The following CDH8 variants were observed in gnomAD, a reference collection of about 807,000 sequenced individuals.
CDH8 encodes cadherin 8, also known as cadherin-8.
A neutral mutation model predicts 68.1 loss-of-function variants in CDH8; 17 were observed. The observed-to-expected ratio is 0.25, with a 90% CI of 0.17 to 0.37. CDH8 has a LOEUF of 0.37. Among genes scored for constraint, CDH8 ranks in the 10% least tolerant of loss-of-function variants. The pLI, the probability that CDH8 is intolerant of heterozygous loss-of-function variation, is 1.00. For missense variants in CDH8, 763 were observed against 999.3 expected, an observed-to-expected ratio of 0.76 and a Z score of 3.19; for synonymous variants, 372 against 365.1, an observed-to-expected ratio of 1.02 and a Z score of -0.21.
intron 2 of CDH8, among the ~76,000 whole-genome samples, chr16:61,926,966 GGCATT>G (rs776540157): frequency 1.4e-4 from 21 of 152,180 alleles, no homozygotes; most frequent in Non-Finnish European, 2.8e-4. Context: ...CACATTAGAA[GGCATT>G]GCATGAGTCA....
At chr16:61,842,430 C>A (rs1430040667) in intron 4 of CDH8, among the ~76,000 whole-genome samples, 3 of 152,076 alleles carry the variant, frequency 2.0e-5, no homozygotes, top group African/African-American at 7.2e-5. Flanking sequence ...TGCCCCTTTG[C>A]CAACTGATGT....
At chr16:61,743,405 A>T (rs1959929769) in intron 8 of CDH8, 1 of 156,656 alleles carries the variant, frequency 6.4e-6, no homozygotes, top group Non-Finnish European at 1.5e-5. Flanking sequence ...CCGCTTAGCC[A>T]GCCAGATCAG....
At chr16:61,695,546 T>C (rs1022865642) in intron 10 of CDH8, among the ~76,000 whole-genome samples, 2 of 152,128 alleles carry the variant, frequency 1.3e-5, no homozygotes, top group Non-Finnish European at 2.9e-5. Context: ...CTGAGCACCA[T>C]AGGATGTTTA....
chr16:61,936,015 T>C (rs747868901), intron 2 of CDH8, among the ~76,000 whole-genome samples: 7 of 152,174 alleles, frequency 4.6e-5, no homozygotes, highest in African/African-American at 7.2e-5. Flanking sequence ...CACCACATAC[T>C]AGCTGTGTCC....
At chr16:61,804,812 T>C (rs1273019902) in intron 7 of CDH8, among the ~76,000 whole-genome samples, 1 of 115,978 alleles carries the variant, frequency 8.6e-6, no homozygotes, top group Non-Finnish European at 1.7e-5. Context: ...GGAGCTGAAA[T>C]TGTGGCAATA....
At chr16:61,995,925 C>T (rs565197226) in intron 2 of CDH8, among the ~76,000 whole-genome samples, 2 of 152,328 alleles carry the variant, frequency 1.3e-5, no homozygotes, top group Admixed American at 1.3e-4. Flanking sequence ...CACTTTCCTC[C>T]TACAAGAATG....
chr16:61,917,489 G>A (rs577705075), intron 2 of CDH8, among the ~76,000 whole-genome samples: 3 of 152,182 alleles, frequency 2.0e-5, no homozygotes, highest in South Asian at 4.1e-4. Flanking sequence ...ACTGTTTTCT[G>A]GGGTCCCTTG....
At chr16:61,921,108 G>A (rs1202529616) in intron 2 of CDH8, among the ~76,000 whole-genome samples, 6 of 112,734 alleles carry the variant, frequency 5.3e-5, no homozygotes, top group African/African-American at 1.3e-4. Context: ...CTGTTGTGGG[G>A]TGGGGGGAGG....
chr16:62,036,143 G>A lies in CDH8; in HGVS notation c.-263C>T. ...GGTTCACAAATGGCTGGAGGTGCTC[G>A]GGGTTAGCTCCCGAGGGCGGCAAGC... On this transcript the variant is annotated 5_prime_UTR_variant, in exon 1 of 12. Transcript: ENST00000577390. 6.6e-6 allele frequency: 1 copy of A among 152,288 alleles called. No homozygotes were observed. Among genetic ancestry groups the A allele is most frequent in the Admixed American group, 6.5e-5 (1 of 15,282 alleles). 9.4% of individuals were successfully genotyped at this position (152,288 alleles called of 1,614,324 possible).
chr16:61,767,264 A>C (rs963244365), intron 8 of CDH8, among the ~76,000 whole-genome samples: 3 of 151,964 alleles, frequency 2.0e-5, no homozygotes, highest in Admixed American at 2.0e-4. Context: ...GTATCACTAG[A>C]ATCAATCTGA....
At chr16:61,706,032 A>G (rs1964523449) in intron 10 of CDH8, among the ~76,000 whole-genome samples, 1 of 152,196 alleles carries the variant, frequency 6.6e-6, no homozygotes, top group Non-Finnish European at 1.5e-5. Flanking sequence ...ATAAATATGT[A>G]TTGAATGAAT....
intron 10 of CDH8, among the ~76,000 whole-genome samples, chr16:61,669,102 C>T (rs1334999523): frequency 6.6e-6 from 1 of 151,970 alleles, no homozygotes; most frequent in Non-Finnish European, 1.5e-5. Flanking sequence ...TATCCCTGAA[C>T]ATAATCATTT....
intron 10 of CDH8, among the ~76,000 whole-genome samples, chr16:61,670,437 G>C: frequency 6.6e-6 from 1 of 152,056 alleles, no homozygotes; most frequent in East Asian, 1.9e-4. Context: ...GCAGTGTCTT[G>C]AGAAGTCCTG....
intron 10 of CDH8, among the ~76,000 whole-genome samples, chr16:61,704,922 G>A (rs1267922910): frequency 1.3e-5 from 2 of 152,258 alleles, no homozygotes; most frequent in South Asian, 2.1e-4. Context: ...CCAAGCAAAA[G>A]AATGAAATTC....
chr16:61,740,537 C>G (rs751400003), intron 8 of CDH8, among the ~76,000 whole-genome samples: 1 of 152,050 alleles, frequency 6.6e-6, no homozygotes, highest in Non-Finnish European at 1.5e-5. Context: ...ACCCCAGAAG[C>G]CTTTCATTTA....
rs185590116 is a variant in CDH8 at position 61,936,400 on chromosome 16, A to C, written c.253-34927T>G. ...TTTAATACTGCCAAACAACCATGCT[A>C]TGTTCCTGTGTTTCATTCTCACAAC... On this transcript the variant is annotated intron_variant, in intron 2 of 11. Transcript: ENST00000577390. Among the ~76,000 whole-genome samples the C allele has an allele frequency of 9.8e-5, 15 of 152,312 alleles. No homozygotes were observed. The East Asian group carries it at 2.5e-3, about 26-fold the overall frequency.
chr16:61,747,124 C>A (rs1960043195), intron 8 of CDH8, among the ~76,000 whole-genome samples: 1 of 152,054 alleles, frequency 6.6e-6, no homozygotes, highest in Admixed American at 6.6e-5. Flanking sequence ...ACTACTTCCT[C>A]TAACTGAATT....
chr16:61,668,564 T>G (rs1963725956), intron 10 of CDH8, among the ~76,000 whole-genome samples: 1 of 151,962 alleles, frequency 6.6e-6, no homozygotes, highest in African/African-American at 2.4e-5. Context: ...AATGAAAATT[T>G]TAAAGCTTTT....
chr16:61,974,864 C>T (rs542861112), intron 2 of CDH8, among the ~76,000 whole-genome samples: 25 of 152,062 alleles, frequency 1.6e-4, no homozygotes, highest in Non-Finnish European at 3.4e-4. Flanking sequence ...TCCCCTAGTC[C>T]TCAGTGCCCC....
Sources: allele counts gnomAD v4.1 joint callset (sites outside exome capture counted in the v4.1 genomes callset), GRCh38; gene constraint gnomAD v4.1.1; transcripts MANE v1.5; gene names NCBI Gene and HGNC (gene_info 2026-07-23, HGNC 2026-07-21).